SCAPER: variants seen among roughly 807,000 people sequenced by gnomAD.
SCAPER encodes S-phase cyclin A associated protein in the ER.
SCAPER carries 98 observed loss-of-function variants against 182.2 expected under a neutral mutation model. The observed-to-expected ratio is 0.54, with a 90% CI of 0.46 to 0.64. SCAPER has a LOEUF of 0.64. Ranked by LOEUF, SCAPER falls within the 30% of genes least tolerant of loss-of-function variation. The pLI is 0.00. For missense variants in SCAPER, 1,432 were observed against 1,690.0 expected (o/e 0.85, Z 2.68); for synonymous variants, 605 against 564.6 (o/e 1.07, Z -1.01).
chr15:76,777,372 G>A (rs1289082551), intron 8 of SCAPER, among the ~76,000 whole-genome samples: 1 of 152,146 alleles, frequency 6.6e-6, no homozygotes, highest in African/African-American at 2.4e-5. Flanking sequence ...AATGGCTAAA[G>A]AAAGTTCCCA....
intron 20 of SCAPER, among the ~76,000 whole-genome samples, chr15:76,668,885 A>G (rs1017427336): frequency 1.3e-5 from 2 of 152,232 alleles, no homozygotes; most frequent in African/African-American, 2.4e-5. Context: ...TACACAAGAT[A>G]CATTGAGCTA....
At chr15:76,699,296 T>C (rs1039546740) in intron 20 of SCAPER, among the ~76,000 whole-genome samples, 2 of 152,192 alleles carry the variant, frequency 1.3e-5, no homozygotes, top group African/African-American at 2.4e-5. Flanking sequence ...CTTCCAGTAC[T>C]ATGTTGAATA....
chr15:76,509,899 G>C (rs1048869043), intron 23 of SCAPER, among the ~76,000 whole-genome samples: 13 of 152,154 alleles, frequency 8.5e-5, no homozygotes, highest in African/African-American at 3.1e-4. Flanking sequence ...GAACAGAACA[G>C]AGAACCCAGA....
At chr15:76,367,112 T>A (rs2041865214) in intron 29 of SCAPER, among the ~76,000 whole-genome samples, 1 of 152,236 alleles carries the variant, frequency 6.6e-6, no homozygotes, top group South Asian at 2.1e-4. Context: ...CTATCAGAGC[T>A]GAAAGGCTTC....
chr15:76,537,571 G>C (rs950744098), intron 23 of SCAPER, among the ~76,000 whole-genome samples: 1 of 152,094 alleles, frequency 6.6e-6, no homozygotes, highest in African/African-American at 2.4e-5. Flanking sequence ...ATTAATTCAA[G>C]ATGGATTAAA....
chr15:76,900,342 T>TAA lies in SCAPER; in HGVS notation c.-60+4955_-60+4956dup, dbSNP rs56677318. Among the ~76,000 whole-genome samples, 133 of 59,074 alleles carry TAA rather than the reference T, an allele frequency of 2.3e-3. 1 individual carries two copies. The East Asian group carries it at 0.025, about 11-fold the overall frequency. The allele number at this position is 59,074 out of a possible 152,430, so 38.8% of individuals were successfully genotyped here. A position where few individuals can be genotyped will look rare whatever the true frequency, so the allele number is the denominator to read the frequency against. ...ACACCCAAGAATGATCAATAAATAC[T>TAA]AAAAAAAAAAAAAAAAAAGACAAAA... On this transcript the variant is annotated intron_variant, in intron 1 of 31. Transcript: ENST00000563290.
intron 1 of SCAPER, among the ~76,000 whole-genome samples, chr15:76,891,426 A>G (rs1182435059): frequency 6.6e-6 from 1 of 152,162 alleles, no homozygotes; most frequent in African/African-American, 2.4e-5. Context: ...AAACCCCATC[A>G]TCCAAGCCCA....
intron 27 of SCAPER, among the ~76,000 whole-genome samples, chr15:76,381,938 A>G (rs1027867167): frequency 6.6e-6 from 1 of 152,136 alleles, no homozygotes; most frequent in Non-Finnish European, 1.5e-5. Flanking sequence ...GGCAAAGTTG[A>G]CAGAGTCTGT....
At chr15:76,357,150 TCACACACA>T (rs55912416) in intron 29 of SCAPER, among the ~76,000 whole-genome samples, 31 of 128,954 alleles carry the variant, frequency 2.4e-4, no homozygotes, top group African/African-American at 4.6e-4. Flanking sequence ...TTTATTGACA[TCACACACA>T]CACACACACA....
chr15:76,518,217 T>C lies in SCAPER; in HGVS notation c.2839-13243A>G, dbSNP rs779455463. On this transcript the variant is annotated intron_variant, in intron 23 of 31. Coordinates refer to ENST00000563290, the MANE Select transcript of SCAPER (RefSeq NM_020843.4). Reference sequence around the variant, plus strand: ...AGCTCAAGCCCCAGCTGGCCTTCAATAGTTCCTCAGCCAGGGCATCTTTCA... The same window carrying C: ...AGCTCAAGCCCCAGCTGGCCTTCAACAGTTCCTCAGCCAGGGCATCTTTCA... Among the ~76,000 whole-genome samples, 6 of 152,206 alleles carry C rather than the reference T, an allele frequency of 3.9e-5. 1 individual carries two copies. Among genetic ancestry groups the C allele is most frequent in the Middle Eastern group, 6.3e-3 (2 of 316 alleles).
At chr15:76,412,438 T>G (rs2045357912) in intron 26 of SCAPER, among the ~76,000 whole-genome samples, 2 of 152,096 alleles carry the variant, frequency 1.3e-5, no homozygotes, top group African/African-American at 4.8e-5. Context: ...GCCAGGGGGT[T>G]TATGGAAATA....
chr15:76,765,048 T>C lies in SCAPER; in HGVS notation c.1638A>G (p.Lys546=). 6.3e-7 allele frequency: 1 copy of C among 1,591,466 alleles called. No homozygotes were observed. Among genetic ancestry groups the C allele is most frequent in the African/African-American group, 1.3e-5 (1 of 74,854 alleles). The change falls in exon 14 of 32, where the codon AAA becomes AAG. Residue 546 remains lysine, a synonymous_variant. Transcript: ENST00000563290. ...RKRTIAESKK[K]HEEKQMKAQQ... ...GTGCTTTCATTTGTTTTTCTTCATG[T>C]TTCTTCTTAGATTCTGCAATTGTTC...
At chr15:76,625,424 C>T (rs1389364528) in intron 21 of SCAPER, among the ~76,000 whole-genome samples, 1 of 152,138 alleles carries the variant, frequency 6.6e-6, no homozygotes, top group Non-Finnish European at 1.5e-5. Flanking sequence ...CATTCTTGGA[C>T]GTATGAAGAT....
At chr15:76,663,985 G>A (rs2056388617) in intron 21 of SCAPER, among the ~76,000 whole-genome samples, 5 of 152,002 alleles carry the variant, frequency 3.3e-5, no homozygotes. Context: ...CTTAAACAAA[G>A]CATTAGTTAC....
intron 5 of SCAPER, among the ~76,000 whole-genome samples, chr15:76,827,313 C>T (rs370306168): frequency 8.5e-5 from 13 of 152,228 alleles, no homozygotes; most frequent in East Asian, 7.7e-4. Flanking sequence ...TTTAAAAATA[C>T]GTCTCCACTT....
intron 5 of SCAPER, among the ~76,000 whole-genome samples, chr15:76,837,386 C>A (rs1031476877): frequency 6.6e-6 from 1 of 152,104 alleles, no homozygotes; most frequent in African/African-American, 2.4e-5. Context: ...ACTGGGGAGG[C>A]CTCAGAAAAC....
At chr15:76,530,681 C>T (rs2043581623) in intron 23 of SCAPER, among the ~76,000 whole-genome samples, 1 of 152,120 alleles carries the variant, frequency 6.6e-6, no homozygotes, top group African/African-American at 2.4e-5. Context: ...GAGAGAACAT[C>T]TGTTTCCTGT....
chr15:76,858,482 A>G (rs1357089707), intron 3 of SCAPER, among the ~76,000 whole-genome samples: 1 of 151,856 alleles, frequency 6.6e-6, no homozygotes, highest in African/African-American at 2.4e-5. Flanking sequence ...CTTTTATTTT[A>G]GGTACAGGGG....
At chr15:76,391,939 T>A (rs556559886) in intron 27 of SCAPER, among the ~76,000 whole-genome samples, 1 of 152,258 alleles carries the variant, frequency 6.6e-6, no homozygotes, top group African/African-American at 2.4e-5. Flanking sequence ...TAGGACTGGA[T>A]TGGATTCTGG....
Sources: gnomAD v4.1 joint callset for allele counts (sites outside exome capture counted in the v4.1 genomes callset) on GRCh38, gnomAD v4.1.1 for gene constraint, MANE v1.5 for transcripts, NCBI Gene and HGNC (gene_info 2026-07-23, HGNC 2026-07-21) for gene names.